Variants in SRBD1 observed in about 807,000 individuals in gnomAD.
SRBD1 encodes S1 RNA-binding domain-containing protein 1.
In SRBD1, 88 loss-of-function variants were observed where a neutral mutation model predicts 115.3. The ratio of observed to expected loss-of-function variants is 0.76; its 90% CI spans 0.64 to 0.91. The LOEUF (loss-of-function observed/expected upper bound fraction) is 0.91. SRBD1 is among the 40% of genes least tolerant of loss of function. The pLI is 0.00. For synonymous variants in SRBD1, 509 were observed against 407.7 expected (o/e 1.25, Z -2.99); for missense variants, 1,385 against 1,177.4 (o/e 1.18, Z -2.58).
chr2:45,407,264 T>G (rs547149220), intron 19 of SRBD1, among the ~76,000 whole-genome samples: 1 of 152,216 alleles, frequency 6.6e-6, no homozygotes, highest in East Asian at 1.9e-4. Context: ...TACTGGACCA[T>G]TAACTATTCC....
intron 14 of SRBD1, among the ~76,000 whole-genome samples, chr2:45,527,594 C>T (rs999747158): frequency 2.6e-5 from 4 of 151,726 alleles, no homozygotes; most frequent in Non-Finnish European, 5.9e-5. Context: ...AAAATAACTG[C>T]TAATATTTAC....
rs141909385 is a variant in SRBD1 at position 45,566,270 on chromosome 2, G to A, written c.1306-3514C>T. 3.9e-3 allele frequency among the ~76,000 whole-genome samples: 596 copies of A among 152,274 alleles called. 1 individual carries two copies. Among genetic ancestry groups the A allele is most frequent in the Non-Finnish European group, 6.2e-3 (421 of 68,020 alleles). ...AAAAACTTAGACACGAATGTTCATA[G>A]CATTATTCATAATATCCAAAAAGTA... On this transcript the variant is annotated intron_variant, in intron 9 of 20. Transcript: ENST00000263736.
At chr2:45,400,645 T>C (rs1052922925) in intron 19 of SRBD1, among the ~76,000 whole-genome samples, 2 of 152,054 alleles carry the variant, frequency 1.3e-5, no homozygotes, top group African/African-American at 4.8e-5. Context: ...ATTTCTTTTA[T>C]GGCTTAGCTT....
intron 16 of SRBD1, among the ~76,000 whole-genome samples, chr2:45,461,002 C>T (rs1371802048): frequency 1.3e-5 from 2 of 152,204 alleles, no homozygotes; most frequent in Non-Finnish European, 2.9e-5. Context: ...CCAGGCGTGC[C>T]AGCGCTCCCT....
chr2:45,478,490 C>T (rs1010500433), intron 15 of SRBD1, among the ~76,000 whole-genome samples: 38 of 152,312 alleles, frequency 2.5e-4, no homozygotes, highest in African/African-American at 9.1e-4. Flanking sequence ...GCTGGCGTTA[C>T]ACAATCTATT....
intron 9 of SRBD1, among the ~76,000 whole-genome samples, chr2:45,563,728 C>G (rs774459007): frequency 6.6e-6 from 1 of 151,992 alleles, no homozygotes; most frequent in Non-Finnish European, 1.5e-5. Flanking sequence ...CTAAAAGATA[C>G]AAACTACCAA....
At chr2:45,499,109 C>T (rs1272093571) in intron 14 of SRBD1, among the ~76,000 whole-genome samples, 1 of 152,132 alleles carries the variant, frequency 6.6e-6, no homozygotes, top group African/African-American at 2.4e-5. Flanking sequence ...CTTACCTTCC[C>T]ACCAACAGTG....
chr2:45,455,609 G>C (rs1362071999), intron 16 of SRBD1, among the ~76,000 whole-genome samples: 1 of 151,740 alleles, frequency 6.6e-6, no homozygotes, highest in Non-Finnish European at 1.5e-5. Flanking sequence ...CTGAAGCATA[G>C]GGAAGGGGAC....
intron 8 of SRBD1, 99 bp from the exon 9 acceptor site, chr2:45,573,441 T>C: frequency 7.1e-7 from 1 of 1,417,242 alleles, no homozygotes; most frequent in Non-Finnish European, 9.3e-7. Context: ...GTTAAGCCAT[T>C]ACCAAGTGAG....
intron 14 of SRBD1, among the ~76,000 whole-genome samples, chr2:45,495,973 A>C (rs1438322357): frequency 6.6e-6 from 1 of 152,102 alleles, no homozygotes; most frequent in Non-Finnish European, 1.5e-5. Context: ...CTTGCACTTA[A>C]CTCCAAAATT....
intron 16 of SRBD1, among the ~76,000 whole-genome samples, chr2:45,466,177 A>C (rs1156243377): frequency 3.3e-5 from 5 of 152,180 alleles, no homozygotes; most frequent in African/African-American, 1.2e-4. Flanking sequence ...TTGAGGGAGC[A>C]GTTAGCAGGG....
intron 15 of SRBD1, among the ~76,000 whole-genome samples, chr2:45,479,219 AT>A (rs1347958668): frequency 6.6e-6 from 1 of 152,150 alleles, no homozygotes; most frequent in Non-Finnish European, 1.5e-5. Flanking sequence ...AATCAGGCCA[AT>A]AAATAACCCT....
intron 14 of SRBD1, among the ~76,000 whole-genome samples, chr2:45,518,856 A>G (rs1572726056): frequency 1.3e-5 from 2 of 152,046 alleles, no homozygotes; most frequent in Non-Finnish European, 2.9e-5. Flanking sequence ...CAAAACATGT[A>G]CTGTTTTGGT....
At chr2:45,509,857 C>G (rs1165225071) in intron 14 of SRBD1, among the ~76,000 whole-genome samples, 3 of 152,164 alleles carry the variant, frequency 2.0e-5, no homozygotes, top group African/African-American at 7.2e-5. Context: ...ATCTCAGCCT[C>G]CTGAGTAGCT....
intron 16 of SRBD1, among the ~76,000 whole-genome samples, chr2:45,432,045 A>AT (rs1668355363): frequency 2.0e-5 from 3 of 151,128 alleles, no homozygotes; most frequent in African/African-American, 4.9e-5. Flanking sequence ...TTATTTATTT[A>AT]TTGAGATGGT....
At chr2:45,439,959 C>G (rs1012341) in intron 16 of SRBD1, among the ~76,000 whole-genome samples, 142,215 of 152,142 alleles carry the variant, frequency 0.93, 66,660 homozygotes, top group African/African-American at 0.99. Context: ...TTGTCCACTG[C>G]AATCTGATAG....
intron 14 of SRBD1, among the ~76,000 whole-genome samples, chr2:45,529,121 A>G (rs1305239391): frequency 6.6e-6 from 1 of 151,960 alleles, no homozygotes; most frequent in African/African-American, 2.4e-5. Flanking sequence ...GTAAGACCTC[A>G]GGCTTAACTG....
At chr2:45,573,412 A>T in intron 8 of SRBD1, 70 bp from the exon 9 acceptor site, 1 of 1,506,700 alleles carries the variant, frequency 6.6e-7, no homozygotes, top group Non-Finnish European at 8.8e-7. Flanking sequence ...AATATATAGA[A>T]ATAAGGATAG....
At chr2:45,520,229 C>A (rs1671240847) in intron 14 of SRBD1, among the ~76,000 whole-genome samples, 1 of 152,172 alleles carries the variant, frequency 6.6e-6, no homozygotes, top group Non-Finnish European at 1.5e-5. Flanking sequence ...TACTTTTGTG[C>A]TGTTACTGGG....
Sources: allele counts gnomAD v4.1 joint callset (sites outside exome capture counted in the v4.1 genomes callset), GRCh38; gene constraint gnomAD v4.1.1; transcripts MANE v1.5; gene names NCBI Gene and HGNC (gene_info 2026-07-23, HGNC 2026-07-21).